The following ZNF525 variants were observed in gnomAD, a reference collection of about 807,000 sequenced individuals.
ZNF525 encodes zinc finger protein 525.
A neutral mutation model predicts 37.6 loss-of-function variants in ZNF525; 33 were observed. That is an observed-to-expected ratio of 0.88 (90% CI 0.67 to 1.17). The LOEUF (loss-of-function observed/expected upper bound fraction) is 1.17, where lower values mean the gene tolerates loss of function less well. Among genes scored for constraint, ZNF525 ranks in the 50% most tolerant of loss-of-function variants. The pLI is 0.00. For missense variants in ZNF525, 449 were observed against 543.1 expected (o/e 0.83, Z 1.72); for synonymous variants, 170 against 182.3 (o/e 0.93, Z 0.54).
Position 53,375,914 on chromosome 19 carries a change from C to T in ZNF525, c.142+18C>T. 1 of 1,613,208 alleles carries T rather than the reference C, an allele frequency of 6.2e-7. No homozygotes were observed. Among genetic ancestry groups the T allele is most frequent in the Non-Finnish European group, 8.5e-7 (1 of 1,179,720 alleles). ...CTCCCTGGGTGAGGATAACTTCCCT[C>T]CAGAAGTGGGGATGTGTCCTTTCGT... On this transcript the variant is annotated intron_variant, in intron 3 of 3. Transcript: ENST00000474037.
intron 3 of ZNF525, 123 bp from the exon 4 acceptor site, chr19:53,380,599 G>A (rs1337461440): frequency 3.5e-6 from 2 of 574,302 alleles, no homozygotes; most frequent in Non-Finnish European, 3.0e-6. Context: ...TGAAGCACAT[G>A]TAATCGCCCT....
Position 53,384,122 on chromosome 19 carries a change from A to G in ZNF525, c.*2103A>G. 1 of 423,580 alleles carries G rather than the reference A, an allele frequency of 2.4e-6. No individual in the cohort carries two copies. The highest frequency in any genetic ancestry group is 6.3e-5 in the East Asian group (1 of 15,760). The allele number at this position is 423,580 out of a possible 1,614,324, so 26.2% of individuals were successfully genotyped here. On this transcript the variant is annotated 3_prime_UTR_variant, in exon 4 of 4. Transcript: ENST00000474037. ...CATTGATTGACATTAGAGTCAGTTC[A>G]GCATTGACTTGAGTTTGAGTTGACT...
chr19:53,366,530 C>G (rs1214509910), intron 1 of ZNF525, among the ~76,000 whole-genome samples: 1 of 105,650 alleles, frequency 9.5e-6, no homozygotes, highest in Admixed American at 1.2e-4. Flanking sequence ...TGCCAAGAGA[C>G]AGCAAAAGTG....
chr19:53,375,533 G>A (rs560827237), intron 2 of ZNF525, among the ~76,000 whole-genome samples: 24 of 152,132 alleles, frequency 1.6e-4, no homozygotes, highest in African/African-American at 2.4e-4. Context: ...TGCAGTGAGC[G>A]GAGACTATGC....
chr19:53,373,620 T>C (rs755485801), intron 2 of ZNF525, among the ~76,000 whole-genome samples: 17 of 151,964 alleles, frequency 1.1e-4, no homozygotes, highest in Non-Finnish European at 2.2e-4. Flanking sequence ...TGTATCGTTA[T>C]GAGACTCCGG....
intron 1 of ZNF525, among the ~76,000 whole-genome samples, chr19:53,370,413 C>CA (rs202164037): frequency 7.6e-4 from 90 of 118,264 alleles, no homozygotes; most frequent in South Asian, 9.0e-4. Flanking sequence ...GACTCCATGT[C>CA]AAAAAAAAAA....
At position 53,384,668 on chromosome 19, in the gene ZNF525, G is replaced by A. The variant is rs547086185; in HGVS notation, c.*2649G>A. On this transcript the variant is annotated 3_prime_UTR_variant, in exon 4 of 4. Coordinates refer to ENST00000474037, the MANE Select transcript of ZNF525 (RefSeq NM_001348156.2). The stretch of plus-strand genomic sequence containing the variant: ...TTGTGCAAATCCACTGAATATGTTT[G>A]TTAGTTCCAGTACTATTTTGGTTGA... 161 of 282,706 alleles carry A rather than the reference G, an allele frequency of 5.7e-4. No individual in the cohort carries two copies. Among genetic ancestry groups the A allele is most frequent in the African/African-American group, 3.3e-3 (149 of 45,642 alleles). The allele number at this position is 282,706 out of a possible 1,614,324, so 17.5% of individuals were successfully genotyped here.
chr19:53,372,182 C>T, intron 1 of ZNF525, 33 bp from the exon 2 acceptor site: 2 of 651,512 alleles, frequency 3.1e-6, no homozygotes, highest in Non-Finnish European at 2.8e-6. Flanking sequence ...TGTGTTGATT[C>T]TGAGCAATAA....
At chr19:53,377,470 C>T (rs980385439) in intron 3 of ZNF525, among the ~76,000 whole-genome samples, 2 of 148,482 alleles carry the variant, frequency 1.3e-5, no homozygotes, top group African/African-American at 2.5e-5. Flanking sequence ...AAAACTGCGC[C>T]CGGCCTATCT....
intron 1 of ZNF525, among the ~76,000 whole-genome samples, chr19:53,368,021 T>G (rs1338278464): frequency 6.6e-6 from 1 of 151,976 alleles, no homozygotes; most frequent in Non-Finnish European, 1.5e-5. Context: ...TATTTTTATG[T>G]CTTTTCTTAT....
chr19:53,368,012 A>G (rs756427444), intron 1 of ZNF525, among the ~76,000 whole-genome samples: 14 of 151,644 alleles, frequency 9.2e-5, no homozygotes, highest in Non-Finnish European at 1.5e-5. Flanking sequence ...CTAATCTTCT[A>G]TTTTTATGTC....
Position 53,365,740 on chromosome 19 carries a change from T to A in ZNF525, c.-87T>A, listed in dbSNP as rs1284604711. 2 of 181,820 alleles carry A rather than the reference T, an allele frequency of 1.1e-5. No homozygotes were observed. The highest frequency in any genetic ancestry group is 2.4e-5 in the African/African-American group (1 of 42,046). 11.3% of individuals were successfully genotyped at this position (181,820 alleles called of 1,614,324 possible). ...AAACCCGGAAGCAGATCGCGTGGAG[T>A]GAAGGTCCCTCAGCGGCGCGTGAGT... On this transcript the variant is annotated 5_prime_UTR_variant, in exon 1 of 4. Transcript: ENST00000474037.
At chr19:53,376,296 G>A (rs1397448863) in intron 3 of ZNF525, 2 of 675,922 alleles carry the variant, frequency 3.0e-6, no homozygotes, top group Non-Finnish European at 5.4e-6. Context: ...GGGCTAATAT[G>A]AGTCTTCTGT....
At chr19:53,372,848 C>T (rs574923222) in intron 2 of ZNF525, among the ~76,000 whole-genome samples, 3 of 152,168 alleles carry the variant, frequency 2.0e-5, no homozygotes, top group African/African-American at 7.2e-5. Flanking sequence ...TGTTTGATTC[C>T]ATCTTTATTT....
chr19:53,367,065 C>G (rs2147061659), intron 1 of ZNF525, among the ~76,000 whole-genome samples: 1 of 152,236 alleles, frequency 6.6e-6, no homozygotes, highest in African/African-American at 2.4e-5. Context: ...AACTTGTGTC[C>G]TTCCATAGCT....
chr19:53,372,434 C>G (rs766861633), intron 2 of ZNF525, 138 bp downstream of exon 2: 6 of 753,208 alleles, frequency 8.0e-6, no homozygotes, highest in Non-Finnish European at 1.2e-5. Flanking sequence ...CTCAGTCCCT[C>G]TCATCTCACT....
chr19:53,376,336 G>C, intron 3 of ZNF525: 1 of 702,844 alleles, frequency 1.4e-6, no homozygotes, highest in Non-Finnish European at 2.6e-6. Flanking sequence ...CCTGTTGATT[G>C]AGTCAGTCTT....
In ZNF525 at chr19:53,380,865, A is replaced by G. The variant is rs775401509; in HGVS notation, c.286A>G (p.Asn96Asp). The change falls in exon 4 of 4, where the codon AAC (asparagine) becomes GAC (aspartate). Residue 96 changes from asparagine to aspartate, a missense_variant. Around this residue, in one of 2 missense-constraint regions of ZNF525, gnomAD observed 271 missense variants for 381.6 expected, o/e 0.71. Transcript: ENST00000474037. The part of the protein sequence containing the change: ...SFQEIEKDIH[N>D]FEFQWQEDER... ...CCAGGAAATTGAGAAAGATATTCAT[A>G]ACTTTGAGTTTCAGTGGCAAGAAGA... The G allele has an allele frequency of 3.4e-6, 5 of 1,466,500 alleles. No homozygotes were observed. The Admixed American group carries it at 8.4e-5, about 25-fold the overall frequency. 90.8% of individuals were successfully genotyped at this position (1,466,500 alleles called of 1,614,324 possible). A position where few individuals can be genotyped will look rare whatever the true frequency, so the allele number is the denominator to read the frequency against.
chr19:53,368,724 G>A (rs1422903531), intron 1 of ZNF525, among the ~76,000 whole-genome samples: 14 of 152,142 alleles, frequency 9.2e-5, no homozygotes, highest in Non-Finnish European at 1.5e-4. Flanking sequence ...CAGAAGGGTC[G>A]GGGTTCCTTT....
Sources: gnomAD v4.1 joint callset for allele counts (sites outside exome capture counted in the v4.1 genomes callset) on GRCh38, gnomAD v4.1.1 for gene constraint, gnomAD v4.1.1 regional missense constraint, MANE v1.5 for transcripts, NCBI Gene and HGNC (gene_info 2026-07-23, HGNC 2026-07-21) for gene names.